The following FGD5 variants were observed in gnomAD, a reference collection of about 807,000 sequenced individuals.
FGD5 encodes FYVE, RhoGEF and PH domain-containing protein 5.
In FGD5, 28 loss-of-function variants were observed where a neutral mutation model predicts 133.4. The ratio of observed to expected loss-of-function variants is 0.21; its 90% confidence interval spans 0.16 to 0.29. FGD5 has a LOEUF of 0.29. FGD5 is among the 10% of genes least tolerant of loss of function. FGD5 has a pLI of 1.00. For synonymous variants in FGD5, 810 were observed against 776.5 expected, an observed-to-expected ratio of 1.04 and a Z score of -0.72; for missense variants, 1,858 against 1,895.2, an observed-to-expected ratio of 0.98 and a Z score of 0.36.
chr3:14,850,389 G>A (rs1378038310), intron 1 of FGD5, among the ~76,000 whole-genome samples: 1 of 152,198 alleles, frequency 6.6e-6, no homozygotes, highest in Non-Finnish European at 1.5e-5. Flanking sequence ...GCGTGGCCTG[G>A]TGAGGAAGGA....
At position 14,917,477 on chromosome 3, in the gene FGD5, T is replaced by C; in HGVS notation, c.3489+145T>C. 1 of 698,652 alleles carries C rather than the reference T, an allele frequency of 1.4e-6. No individual in the cohort carries two copies. The highest frequency in any genetic ancestry group is 2.4e-6 in the Non-Finnish European group (1 of 417,576). 43.3% of individuals were successfully genotyped at this position (698,652 alleles called of 1,614,324 possible). On this transcript the variant is annotated intron_variant, in intron 12 of 19. Transcript: ENST00000285046. The surrounding 1 kb of genome is among the most constrained non-coding windows in gnomAD (Gnocchi z 4.1). The stretch of plus-strand genomic sequence containing the variant: ...ACAGTGTTGGGCTACAGCAAGTTTG[T>C]GCTGTAAGTTGCCCAGGGAAAGGGG...
chr3:14,918,998 T>G (rs2038619304), intron 13 of FGD5, among the ~76,000 whole-genome samples, 165 bp downstream of exon 13: 1 of 152,188 alleles, frequency 6.6e-6, no homozygotes, highest in African/African-American at 2.4e-5. Flanking sequence ...CTTAACCTTT[T>G]GGGGAATTTG....
In FGD5 at chr3:14,924,043, C is replaced by A. The variant is rs1277705401; in HGVS notation, c.3973C>A (p.Pro1325Thr). The A allele has an allele frequency of 6.2e-7, 1 of 1,614,026 alleles. No homozygotes were observed. Among genetic ancestry groups the A allele is most frequent in the East Asian group, 2.2e-5 (1 of 44,872 alleles). Reference sequence around the variant, plus strand: ...GAGCATGAGCTTCCCGCTGTCTTCACCCCGCTTCTCGGGCAGTGCCTTTTC... The same window carrying A: ...GAGCATGAGCTTCCCGCTGTCTTCAACCCGCTTCTCGGGCAGTGCCTTTTC... ...PVSMSFPLSS[P>T]RFSGSAFSSV... The change falls in exon 17 of 20, where the codon CCC (proline) becomes ACC (threonine). Residue 1325 changes from proline to threonine, a missense_variant. Coordinates refer to ENST00000285046, the MANE Select transcript of FGD5 (RefSeq NM_152536.4).
At chr3:14,932,816 G>T in intron 19 of FGD5, 85 bp downstream of exon 19, 2 of 1,491,316 alleles carry the variant, frequency 1.3e-6, no homozygotes, top group Non-Finnish European at 1.8e-6. Flanking sequence ...CTTCTGTTCT[G>T]CTCCATTCAT....
chr3:14,848,741 G>T (rs2037103087), intron 1 of FGD5, among the ~76,000 whole-genome samples: 1 of 152,206 alleles, frequency 6.6e-6, no homozygotes, highest in South Asian at 2.1e-4. Context: ...AGGACCTAAA[G>T]CTTCAGCCCC....
chr3:14,933,368 C>T lies in FGD5; in HGVS notation c.*201C>T, dbSNP rs1341327531. The T allele has an allele frequency of 1.6e-6, 1 of 615,316 alleles. No homozygotes were observed. The highest frequency in any genetic ancestry group is 2.9e-6 in the Non-Finnish European group (1 of 343,448). The allele number at this position is 615,316 out of a possible 1,614,324, so 38.1% of individuals were successfully genotyped here. On this transcript the variant is annotated 3_prime_UTR_variant, in exon 20 of 20. Coordinates refer to ENST00000285046, the MANE Select transcript of FGD5 (RefSeq NM_152536.4). ...GGAATCCTTAAGGGATATTTATGGA[C>T]CTCTCCTTTTCTGTGTTTTCCACCC... is the stretch of plus-strand genomic sequence containing the variant.
Position 14,924,095 on chromosome 3 carries a change from C to G in FGD5, c.4025C>G (p.Ser1342Trp), listed in dbSNP as rs369533231. 6.2e-7 allele frequency: 1 copy of G among 1,613,992 alleles called. No homozygotes were observed. The highest frequency in any genetic ancestry group is 8.5e-7 in the Non-Finnish European group (1 of 1,179,876). The change falls in exon 17 of 20, where the codon TCG becomes TGG. Residue 1342 changes from serine (S) to tryptophan (W), a missense_variant. Physicochemically the swap from Ser to Trp is radical, Grantham distance 177 (BLOSUM62 -3). Around this residue, in one of 3 missense-constraint regions of FGD5, gnomAD observed 1,824 missense variants for 1,848.9 expected, o/e 0.99. Transcript: ENST00000285046. ...TCCGTCTTCCAGAGCATTAACCCCT[C>G]GACCTTCAAGAAGCAGAAGAAAGTC... ...FSSVFQSINP[S>W]TFKKQKKVPS...
intron 1 of FGD5, among the ~76,000 whole-genome samples, chr3:14,855,068 A>G (rs1050516939): frequency 1.6e-4 from 24 of 151,810 alleles, no homozygotes; most frequent in Non-Finnish European, 3.4e-4. Context: ...TACGTCTATG[A>G]GGTTAGCTTT....
intron 1 of FGD5, among the ~76,000 whole-genome samples, chr3:14,823,273 C>T (rs2036539493): frequency 6.6e-6 from 1 of 152,162 alleles, no homozygotes; most frequent in African/African-American, 2.4e-5. Flanking sequence ...GACCGCCCAC[C>T]TCTAACAGGT....
At chr3:14,890,258 T>A (rs577538684) in intron 4 of FGD5, among the ~76,000 whole-genome samples, 1 of 152,264 alleles carries the variant, frequency 6.6e-6, no homozygotes, top group Admixed American at 6.5e-5. Context: ...AAGCCAGGTC[T>A]CCCTTCTCTG....
At chr3:14,818,924 T>C, upstream of FGD5, 1 of 1,433,110 alleles carries the variant, frequency 7.0e-7, no homozygotes, top group Non-Finnish European at 9.1e-7. Flanking sequence ...TTAATTGTAC[T>C]TTTTCTCCTT....
At position 14,819,796 on chromosome 3, in the gene FGD5, T is replaced by A. The variant is rs1217475513; in HGVS notation, c.725T>A (p.Met242Lys). ...GGTCCTGACAGGCCCACGGAGGACA[T>A]GGGACAGGATGCTGAGGACACCAGT... is the stretch of plus-strand genomic sequence containing the variant. ...GSGPDRPTED[M>K]GQDAEDTSEE... Residue 242 changes from methionine (M) to lysine (K), a missense_variant, in exon 1 of 20, where the codon ATG (methionine) becomes AAG (lysine). Physicochemically the swap from Met to Lys is moderately conservative, Grantham distance 95. Coordinates refer to ENST00000285046, the MANE Select transcript of FGD5 (RefSeq NM_152536.4). This position sits in a 1 kb window ranked among gnomAD's most constrained non-coding sequence, Gnocchi z 4.1. The A allele has an allele frequency of 6.3e-7, 1 of 1,576,416 alleles. No homozygotes were observed.
In FGD5 at chr3:14,835,839, C is replaced by A. The variant is rs2036806753; in HGVS notation, c.2525+14243C>A. On this transcript the variant is annotated intron_variant, in intron 1 of 19. Transcript: ENST00000285046. ...AGTGGCTAAGAACCCATGCCAGTTG[C>A]TTGGTGCAGGGTCTGGCCTGCAGAA... is the stretch of plus-strand genomic sequence containing the variant. 3.3e-5 allele frequency among the ~76,000 whole-genome samples: 5 copies of A among 152,116 alleles called. No homozygotes were observed. The South Asian group carries it at 1.0e-3, about 32-fold the overall frequency.
chr3:14,830,912 A>G (rs1019832893), intron 1 of FGD5, among the ~76,000 whole-genome samples: 1 of 152,240 alleles, frequency 6.6e-6, no homozygotes, highest in African/African-American at 2.4e-5. Context: ...AGAGGCAGAC[A>G]GTAAACAGAC....
intron 1 of FGD5, among the ~76,000 whole-genome samples, chr3:14,862,647 G>A (rs762821942): frequency 1.3e-5 from 2 of 152,182 alleles, no homozygotes; most frequent in Admixed American, 6.5e-5. Context: ...AGGCCAAAAA[G>A]CAATGTTTTT....
intron 1 of FGD5, among the ~76,000 whole-genome samples, chr3:14,837,595 G>C (rs1276977673): frequency 6.6e-6 from 1 of 152,170 alleles, no homozygotes; most frequent in African/African-American, 2.4e-5. Context: ...ATAAAGCCCA[G>C]CTCTGTGTGG....
At chr3:14,901,564 A>G (rs781541727) in intron 9 of FGD5, among the ~76,000 whole-genome samples, 1 of 152,202 alleles carries the variant, frequency 6.6e-6, no homozygotes, top group African/African-American at 2.4e-5. Flanking sequence ...AGCTCCATTC[A>G]GGTGGTCACC....
At chr3:14,891,073 A>G (rs762444848) in intron 4 of FGD5, among the ~76,000 whole-genome samples, 1 of 152,216 alleles carries the variant, frequency 6.6e-6, no homozygotes, top group Non-Finnish European at 1.5e-5. Flanking sequence ...TGCCCACACA[A>G]GAGAGATCGT....
chr3:14,919,565 C>G (rs1018036660), intron 13 of FGD5, among the ~76,000 whole-genome samples: 2 of 152,182 alleles, frequency 1.3e-5, no homozygotes, highest in Non-Finnish European at 2.9e-5. Context: ...TTGCAGTGAG[C>G]CGAGATTGCA....
Sources: allele counts gnomAD v4.1 joint callset (sites outside exome capture counted in the v4.1 genomes callset), GRCh38; gene constraint gnomAD v4.1.1; regional missense constraint gnomAD v4.1.1; non-coding constraint Gnocchi (gnomAD v3.1); transcripts MANE v1.5; gene names NCBI Gene and HGNC (gene_info 2026-07-23, HGNC 2026-07-21).